The following TTC33 variants were observed in gnomAD, a reference collection of about 807,000 sequenced individuals.
TTC33 encodes tetratricopeptide repeat protein 33.
TTC33 carries 24 observed loss-of-function variants against 29.4 expected under a neutral mutation model. The ratio of observed to expected loss-of-function variants is 0.82; its 90% confidence interval spans 0.59 to 1.15. The LOEUF (loss-of-function observed/expected upper bound fraction) is 1.15. TTC33 is among the 50% of genes most tolerant of loss of function. The probability of loss-of-function intolerance (pLI) is 0.00; values close to 1 mark genes in which losing one functional copy is unlikely to be tolerated. For missense variants in TTC33, 286 were observed against 310.4 expected, an observed-to-expected ratio of 0.92 and a Z score of 0.59; for synonymous variants, 107 against 100.3, an observed-to-expected ratio of 1.07 and a Z score of -0.40.
chr5:40,737,083 C>T (rs1470651762), intron 2 of TTC33, among the ~76,000 whole-genome samples: 1 of 152,012 alleles, frequency 6.6e-6, no homozygotes, highest in Admixed American at 6.6e-5. Context: ...ATCGCCTGAG[C>T]CCAGGAGTTC....
chr5:40,716,157 G>A lies in TTC33; in HGVS notation c.777C>T (p.Ile259=), dbSNP rs1374506046. ...GATPPDGSVF[I]KAR Reference sequence around the variant, plus strand: ...TATGCATACTGCTTCATCGGGCTTTGATAAAAACAGAGCCATCTGGTGGTG... The same window carrying A: ...TATGCATACTGCTTCATCGGGCTTTAATAAAAACAGAGCCATCTGGTGGTG... The change falls in exon 5 of 5, where the codon ATC becomes ATT. Residue 259 remains isoleucine, a synonymous_variant. Transcript: ENST00000337702. The A allele has an allele frequency of 1.2e-6, 2 of 1,602,872 alleles. No homozygotes were observed. The highest frequency in any genetic ancestry group is 1.3e-5 in the African/African-American group (1 of 74,554).
chr5:40,712,630 T>C lies in TTC33; in HGVS notation c.*3515A>G, dbSNP rs1741918812. On this transcript the variant is annotated 3_prime_UTR_variant, in exon 5 of 5. Coordinates refer to ENST00000337702, the MANE Select transcript of TTC33 (RefSeq NM_012382.3). Reference sequence around the variant, plus strand: ...AGAACTTTCACTGCAAGGTTCACAATGTAGCTGGCAAGAGACCACAACATC... The same window carrying C: ...AGAACTTTCACTGCAAGGTTCACAACGTAGCTGGCAAGAGACCACAACATC... Among the ~76,000 whole-genome samples, 1 of 152,190 alleles carries C rather than the reference T, an allele frequency of 6.6e-6. No individual in the cohort carries two copies. Among genetic ancestry groups the C allele is most frequent in the African/African-American group, 2.4e-5 (1 of 41,456 alleles).
rs747661287 is a variant in TTC33, at chr5:40,712,279, A to C, written c.*3866T>G. Among the ~76,000 whole-genome samples, 56 of 152,082 alleles carry C rather than the reference A, an allele frequency of 3.7e-4. No homozygotes were observed. Among genetic ancestry groups the C allele is most frequent in the Non-Finnish European group, 6.9e-4 (47 of 67,984 alleles). The stretch of plus-strand genomic sequence containing the variant: ...ATAGAATTTCCATTATTTAAAAAAA[A>C]CCTCTAAAATTAGGAAAGAATTCCC... On this transcript the variant is annotated 3_prime_UTR_variant, in exon 5 of 5. Transcript: ENST00000337702.
chr5:40,716,231 A>C lies in TTC33; in HGVS notation c.703T>G (p.Ser235Ala). ...VSANKTMVIV[S>A]ASGAIETVTE... ...ACAGTCTCTATGGCCCCAGAAGCAG[A>C]CACAATAACCATTGTTTTATTTGCT... The change falls in exon 5 of 5, where the codon TCT (serine) becomes GCT (alanine). Residue 235 changes from serine (S) to alanine (A), a missense_variant. Coordinates refer to ENST00000337702, the MANE Select transcript of TTC33 (RefSeq NM_012382.3). 1 of 1,614,222 alleles carries C rather than the reference A, an allele frequency of 6.2e-7. No individual in the cohort carries two copies. Among genetic ancestry groups the C allele is most frequent in the Non-Finnish European group, 8.5e-7 (1 of 1,180,030 alleles).
intron 2 of TTC33, among the ~76,000 whole-genome samples, chr5:40,746,341 T>G (rs774071737): frequency 6.6e-6 from 1 of 152,206 alleles, no homozygotes; most frequent in Non-Finnish European, 1.5e-5. Flanking sequence ...CATATTTACT[T>G]AAGTATATAA....
intron 2 of TTC33, among the ~76,000 whole-genome samples, chr5:40,736,065 A>ATTATAT (rs1561150114): frequency 1.3e-5 from 2 of 152,234 alleles, no homozygotes; most frequent in African/African-American, 4.8e-5. Context: ...TATAAAAATG[A>ATTATAT]GAGGACAATT....
chr5:40,737,497 T>C (rs914924771), intron 2 of TTC33, among the ~76,000 whole-genome samples: 5 of 152,202 alleles, frequency 3.3e-5, no homozygotes, highest in African/African-American at 1.2e-4. Flanking sequence ...AAAGACATCA[T>C]GAACACATAT....
intron 4 of TTC33, among the ~76,000 whole-genome samples, chr5:40,723,912 G>A (rs1026773855): frequency 2.0e-5 from 3 of 152,108 alleles, no homozygotes; most frequent in African/African-American, 7.2e-5. Context: ...GTGAGGTTAT[G>A]GAGAAACTGG....
At position 40,712,767 on chromosome 5, in the gene TTC33, T is replaced by A. The variant is rs138227398; in HGVS notation, c.*3378A>T. Reference sequence around the variant, plus strand: ...GTGAAGTGAGAGAAAGAGATTAGAATTCCTTGGTAAATGGATAGCCTAAGA... The same window carrying A: ...GTGAAGTGAGAGAAAGAGATTAGAAATCCTTGGTAAATGGATAGCCTAAGA... On this transcript the variant is annotated 3_prime_UTR_variant, in exon 5 of 5. Transcript: ENST00000337702. Among the ~76,000 whole-genome samples, 73 of 152,246 alleles carry A rather than the reference T, an allele frequency of 4.8e-4. No homozygotes were observed. The highest frequency in any genetic ancestry group is 1.7e-3 in the African/African-American group (69 of 41,556).
chr5:40,716,815 T>C (rs2111860603), intron 4 of TTC33, among the ~76,000 whole-genome samples: 1 of 152,338 alleles, frequency 6.6e-6, no homozygotes, highest in East Asian at 1.9e-4. Flanking sequence ...CATTTGGGGA[T>C]TTCCTGGGCT....
In TTC33 at chr5:40,716,410, T is replaced by G. The variant is rs759910069; in HGVS notation, c.524A>C (p.Gln175Pro). 11 of 1,613,836 alleles carry G rather than the reference T, an allele frequency of 6.8e-6. No homozygotes were observed. The East Asian group carries it at 2.4e-4, about 36-fold the overall frequency. ...KEDLSWARTL[Q>P]EQQKVAQRIK... ...CCTCTGTGCTACCTTCTGCTGCTCCTGGAGCGTTCTTGCCCAAGAGAGGTC... is the reference window on the plus strand; with the variant it reads ...CCTCTGTGCTACCTTCTGCTGCTCCGGGAGCGTTCTTGCCCAAGAGAGGTC... Residue 175 changes from glutamine to proline, a missense_variant, in exon 5 of 5, where the codon CAG (glutamine) becomes CCG (proline). Transcript: ENST00000337702.
rs565116731 is a variant in TTC33 at position 40,728,561 on chromosome 5, TA to T, written c.304-86del. ...AAAAAACCCTTTTCATTTTTTAAGA[TA>T]TATTTTTAGTCCAGTAAAAATAGCA... On this transcript the variant is annotated intron_variant, in intron 3 of 4. Transcript: ENST00000337702. The T allele has an allele frequency of 1.6e-4, 210 of 1,315,890 alleles. 1 individual carries two copies. The African/African-American group carries it at 2.9e-3, about 18-fold the overall frequency. 81.5% of individuals were successfully genotyped at this position (1,315,890 alleles called of 1,614,324 possible).
chr5:40,750,354 G>A (rs1742873223), intron 1 of TTC33, among the ~76,000 whole-genome samples: 1 of 152,064 alleles, frequency 6.6e-6, no homozygotes, highest in Non-Finnish European at 1.5e-5. Flanking sequence ...TAGAGGGCTT[G>A]AGCCCAGGAG....
chr5:40,725,484 A>T (rs1373662297), intron 4 of TTC33, among the ~76,000 whole-genome samples: 1 of 152,246 alleles, frequency 6.6e-6, no homozygotes, highest in East Asian at 1.9e-4. Context: ...CAGAGAAAAC[A>T]TTAGTAAACA....
intron 4 of TTC33, among the ~76,000 whole-genome samples, chr5:40,723,139 A>G (rs1742188412): frequency 6.6e-6 from 1 of 151,982 alleles, no homozygotes; most frequent in Non-Finnish European, 1.5e-5. Flanking sequence ...CTTACCCCCA[A>G]CCCCGTGCTC....
Position 40,714,936 on chromosome 5 carries a change from T to C in TTC33, c.*1209A>G, listed in dbSNP as rs1741969043. The C allele has an allele frequency of 6.6e-6, 1 of 152,138 alleles. No individual in the cohort carries two copies. Among genetic ancestry groups the C allele is most frequent in the African/African-American group, 2.4e-5 (1 of 41,458 alleles). 9.4% of individuals were successfully genotyped at this position (152,138 alleles called of 1,614,324 possible). A position where few individuals can be genotyped will look rare whatever the true frequency, so the allele number is the denominator to read the frequency against. On this transcript the variant is annotated 3_prime_UTR_variant, in exon 5 of 5. Transcript: ENST00000337702. ...ACAGAACCCAACAGTTCTATATTATTGTACTACAATATATAGTATAAAAAT... is the reference window on the plus strand; with the variant it reads ...ACAGAACCCAACAGTTCTATATTATCGTACTACAATATATAGTATAAAAAT...
intron 1 of TTC33, among the ~76,000 whole-genome samples, chr5:40,749,507 T>C (rs1023085060): frequency 5.3e-5 from 8 of 152,206 alleles, no homozygotes; most frequent in Non-Finnish European, 1.2e-4. Flanking sequence ...GAGGGCTTTA[T>C]GAAACTACCA....
intron 4 of TTC33, among the ~76,000 whole-genome samples, chr5:40,725,979 G>A (rs2111885966): frequency 6.6e-6 from 1 of 151,584 alleles, no homozygotes; most frequent in Admixed American, 6.6e-5. Flanking sequence ...TAGAGACGGG[G>A]TTTCACCGTG....
intron 4 of TTC33, among the ~76,000 whole-genome samples, chr5:40,722,560 C>T (rs2111875542): frequency 6.6e-6 from 1 of 152,102 alleles, no homozygotes; most frequent in Non-Finnish European, 1.5e-5. Flanking sequence ...TGGCCGCGAC[C>T]CCGTCTGGGA....
Sources: gnomAD v4.1 joint callset for allele counts (sites outside exome capture counted in the v4.1 genomes callset) on GRCh38, gnomAD v4.1.1 for gene constraint, MANE v1.5 for transcripts, NCBI Gene and HGNC (gene_info 2026-07-23, HGNC 2026-07-21) for gene names.